Variants in ADAP2 observed in about 807,000 individuals in gnomAD.
The protein encoded by ADAP2 is ArfGAP with dual PH domains 2, also known as arf-GAP with dual PH domain-containing protein 2.
A neutral mutation model predicts 54.9 loss-of-function variants in ADAP2; 42 were observed. The observed-to-expected ratio is 0.77, with a 90% CI of 0.60 to 0.99. The LOEUF (loss-of-function observed/expected upper bound fraction) is 0.99. Among genes scored for constraint, ADAP2 ranks in the 50% least tolerant of loss-of-function variants. The pLI is 0.00. For missense variants in ADAP2, 429 were observed against 480.4 expected, an observed-to-expected ratio of 0.89 and a Z score of 1.00; for synonymous variants, 177 against 180.1, an observed-to-expected ratio of 0.98 and a Z score of 0.14.
chr17:30,942,215 C>T (rs896061149), intron 5 of ADAP2, among the ~76,000 whole-genome samples: 4 of 152,112 alleles, frequency 2.6e-5, no homozygotes, highest in East Asian at 1.9e-4. Flanking sequence ...AAACTTAATA[C>T]GGGTACACTT....
chr17:30,954,067 TCCGC>T (rs1904880274), intron 8 of ADAP2, among the ~76,000 whole-genome samples: 1 of 152,178 alleles, frequency 6.6e-6, no homozygotes, highest in Non-Finnish European at 1.5e-5. Context: ...GCGCAGCCCC[TCCGC>T]CTGGTTCTTG....
chr17:30,936,079 C>T (rs1185439877), intron 5 of ADAP2, among the ~76,000 whole-genome samples: 1 of 152,168 alleles, frequency 6.6e-6, no homozygotes, highest in South Asian at 2.1e-4. Context: ...ACCACTAGCC[C>T]TAGGCAACCA....
At chr17:30,944,828 G>C (rs1484299614) in intron 5 of ADAP2, 79 bp from the exon 6 acceptor site, 6 of 1,388,558 alleles carry the variant, frequency 4.3e-6, no homozygotes, top group Non-Finnish European at 5.0e-6. Flanking sequence ...ATGCTTGTTT[G>C]CATGAAGGCC....
intron 7 of ADAP2, 34 bp from the exon 8 acceptor site, chr17:30,953,254 G>A (rs766000180): frequency 3.1e-6 from 5 of 1,612,634 alleles, no homozygotes; most frequent in Non-Finnish European, 2.5e-6. Context: ...CTTGGGGTGT[G>A]AGTTGGGGGT....
chr17:30,949,332 T>C lies in ADAP2; in HGVS notation c.703T>C (p.Tyr235His), dbSNP rs778773284. 6.2e-7 allele frequency: 1 copy of C among 1,614,158 alleles called. No individual in the cohort carries two copies. Among genetic ancestry groups the C allele is most frequent in the Non-Finnish European group, 8.5e-7 (1 of 1,180,008 alleles). The change falls in exon 7 of 11, where the codon TAC (tyrosine) becomes CAC (histidine). Residue 235 changes from tyrosine to histidine, a missense_variant. By Grantham distance (83) the Tyr-to-His change is moderately conservative. Transcript: ENST00000330889. ...FNALRAARLQYLKMAFPELPE... is the reference protein window; with the variant it reads ...FNALRAARLQHLKMAFPELPE... ...TGCCCTCCGTGCAGCCCGTCTGCAG[T>C]ACCTAAAAATGGCCTTTCCTGAACT...
In ADAP2 at chr17:30,940,585, G is replaced by A. The variant is rs141051145; in HGVS notation, c.511-4322G>A. Among the ~76,000 whole-genome samples, 689 of 152,140 alleles carry A rather than the reference G, an allele frequency of 4.5e-3. 6 individuals carry two copies. Among genetic ancestry groups the A allele is most frequent in the African/African-American group, 0.016 (658 of 41,524 alleles). On this transcript the variant is annotated intron_variant, in intron 5 of 10. Coordinates refer to ENST00000330889, the MANE Select transcript of ADAP2 (RefSeq NM_018404.3). ...CTCTGAAAGTGCTGGGATTACAGGC[G>A]TGAGCCACCATGCCCGGCCTCCTTT...
Position 30,953,301 on chromosome 17 carries a change from T to C in ADAP2, c.755T>C (p.Leu252Pro). Residue 252 changes from leucine to proline, a missense_variant, in exon 8 of 11, where the codon CTC becomes CCC. Physicochemically the swap from Leu to Pro is moderately conservative, Grantham distance 98 (BLOSUM62 -3). Coordinates refer to ENST00000330889, the MANE Select transcript of ADAP2 (RefSeq NM_018404.3). ...ELPESELVPF[L>P]TRNYLKQGFM... ...TCTCTTCCCCAGCTCGTGCCATTCC[T>C]CACCAGGAACTACCTCAAACAAGGC... is the stretch of plus-strand genomic sequence containing the variant. 6.2e-7 allele frequency: 1 copy of C among 1,614,076 alleles called. No individual in the cohort carries two copies. The highest frequency in any genetic ancestry group is 8.5e-7 in the Non-Finnish European group (1 of 1,180,026).
intron 5 of ADAP2, 57 bp downstream of exon 5, chr17:30,934,354 G>A (rs1057456467): frequency 1.7e-6 from 2 of 1,196,578 alleles, no homozygotes; most frequent in African/African-American, 3.0e-5. Context: ...ACCCGACTAA[G>A]GTCTACATTC....
chr17:30,958,169 C>T lies in ADAP2; in HGVS notation c.*300C>T. Reference sequence around the variant, plus strand: ...AACTTTCTCACATCTGAAATGGAGGCATTGCAATGAAAAGGCACCCACAGC... The same window carrying T: ...AACTTTCTCACATCTGAAATGGAGGTATTGCAATGAAAAGGCACCCACAGC... On this transcript the variant is annotated 3_prime_UTR_variant, in exon 11 of 11. Coordinates refer to ENST00000330889, the MANE Select transcript of ADAP2 (RefSeq NM_018404.3). The T allele has an allele frequency of 5.4e-6, 2 of 370,158 alleles. No individual in the cohort carries two copies. The highest frequency in any genetic ancestry group is 4.3e-5 in the Admixed American group (1 of 23,300). 22.9% of individuals were successfully genotyped at this position (370,158 alleles called of 1,614,324 possible).
intron 7 of ADAP2, among the ~76,000 whole-genome samples, chr17:30,951,654 CTTTTTTTTTT>C (rs1053982493): frequency 2.5e-5 from 3 of 121,028 alleles, no homozygotes; most frequent in South Asian, 2.6e-4. Context: ...CTTTTCTTTT[CTTTTTTTTTT>C]TTTTTTTTTG....
intron 5 of ADAP2, among the ~76,000 whole-genome samples, chr17:30,942,925 A>G (rs1352967915): frequency 2.0e-5 from 3 of 152,252 alleles, no homozygotes; most frequent in African/African-American, 7.2e-5. Flanking sequence ...TGTGGAGAAA[A>G]GGGAATGTTT....
At chr17:30,949,147 A>G (rs1213632661) in intron 6 of ADAP2, 140 bp from the exon 7 acceptor site, 2 of 648,318 alleles carry the variant, frequency 3.1e-6, no homozygotes, top group Non-Finnish European at 2.7e-6. Flanking sequence ...GATGCCCCTG[A>G]GCCGAGCTGT....
At chr17:30,956,743 C>T (rs1486589458) in intron 10 of ADAP2, 5 of 479,066 alleles carry the variant, frequency 1.0e-5, no homozygotes, top group Non-Finnish European at 1.9e-5. Flanking sequence ...TGTCTGTACC[C>T]CTTGCGGTGT....
chr17:30,927,274 T>G (rs1911123488), intron 3 of ADAP2, among the ~76,000 whole-genome samples: 1 of 152,096 alleles, frequency 6.6e-6, no homozygotes, highest in Admixed American at 6.6e-5. Flanking sequence ...TAAACACTAG[T>G]ATCTTACTAG....
In ADAP2 at chr17:30,956,431, GTGTCC is replaced by G; in HGVS notation, c.1079_1083del (p.Leu360GlnfsTer24). 6.2e-7 allele frequency: 1 copy of G among 1,614,216 alleles called. No homozygotes were observed. Among genetic ancestry groups the G allele is most frequent in the Non-Finnish European group, 8.5e-7 (1 of 1,180,038 alleles). On this transcript the variant is annotated frameshift_variant, in exon 10 of 11. Coordinates refer to ENST00000330889, the MANE Select transcript of ADAP2 (RefSeq NM_018404.3). LOFTEE classifies it high-confidence loss of function. ...CAGGAATGGCTGGAAAGTTTGCGGG[GTGTCC>G]TGTCCAGCCCCTTGACGCCCCTCAA...
At chr17:30,924,202 G>A (rs1051170159) in intron 2 of ADAP2, among the ~76,000 whole-genome samples, 3 of 151,964 alleles carry the variant, frequency 2.0e-5, no homozygotes, top group Admixed American at 6.6e-5. Context: ...GTGAAACCCC[G>A]TCTTTACAAA....
chr17:30,927,015 T>G, intron 3 of ADAP2, 97 bp downstream of exon 3: 1 of 938,764 alleles, frequency 1.1e-6, no homozygotes, highest in Non-Finnish European at 1.7e-6. Context: ...TGGTGGTCTC[T>G]TCTATGGGCC....
At chr17:30,942,309 A>G (rs1019394851) in intron 5 of ADAP2, among the ~76,000 whole-genome samples, 1 of 152,202 alleles carries the variant, frequency 6.6e-6, no homozygotes, top group Non-Finnish European at 1.5e-5. Flanking sequence ...TCATATTGGC[A>G]AAAATTTTGT....
At chr17:30,957,783 A>G in intron 10 of ADAP2, 52 bp from the exon 11 acceptor site, 1 of 1,585,144 alleles carries the variant, frequency 6.3e-7, no homozygotes, top group Non-Finnish European at 8.7e-7. Context: ...TCTCCTCCAC[A>G]GGACAGCATT....
Sources: allele counts gnomAD v4.1 joint callset (sites outside exome capture counted in the v4.1 genomes callset), GRCh38; gene constraint gnomAD v4.1.1; transcripts MANE v1.5; gene names NCBI Gene and HGNC (gene_info 2026-07-23, HGNC 2026-07-21).